SLC17A9: variants seen among roughly 807,000 people sequenced by gnomAD.
The protein encoded by SLC17A9 is voltage-gated purine nucleotide uniporter SLC17A9.
A neutral mutation model predicts 55.0 loss-of-function variants in SLC17A9; 49 were observed. That is an observed-to-expected ratio of 0.89 (90% CI 0.71 to 1.13). SLC17A9 has a LOEUF of 1.13. Ranked by LOEUF, SLC17A9 falls within the 50% of genes most tolerant of loss-of-function variation. SLC17A9 has a pLI of 0.00. For synonymous variants in SLC17A9, 256 were observed against 247.4 expected (o/e 1.03, Z -0.32); for missense variants, 526 against 569.3 (o/e 0.92, Z 0.77).
chr20:62,957,473 CCT>C lies in SLC17A9; in HGVS notation c.293_294del (p.Ser98CysfsTer53). On this transcript the variant is annotated frameshift_variant, in exon 3 of 13. Coordinates refer to ENST00000370351, the MANE Select transcript of SLC17A9 (RefSeq NM_022082.4). LOFTEE classifies it high-confidence loss of function. The stretch of plus-strand genomic sequence containing the variant: ...GGTGAGAAGGTCATCCTGCTGTCAG[CCT>C]CTGCCTGGGGCTCCATCACGGCCGT... 2 of 1,607,662 alleles carry C rather than the reference CCT, an allele frequency of 1.2e-6. No homozygotes were observed. Among genetic ancestry groups the C allele is most frequent in the Non-Finnish European group, 1.7e-6 (2 of 1,177,550 alleles).
chr20:62,963,513 T>A, intron 6 of SLC17A9, 71 bp from the exon 7 acceptor site: 1 of 1,533,014 alleles, frequency 6.5e-7, no homozygotes, highest in Non-Finnish European at 8.8e-7. Context: ...GGGACGCCTC[T>A]CGGGGTGGGT....
rs1015293800 is a variant in SLC17A9 at position 62,962,449 on chromosome 20, G to A, written c.498-175G>A. The A allele has an allele frequency of 1.0e-4, 71 of 709,680 alleles. No individual in the cohort carries two copies. In the African/African-American group the frequency reaches 1.1e-3, roughly 11 times the overall value. The allele number at this position is 709,680 out of a possible 1,614,324, so 44.0% of individuals were successfully genotyped here. ...TGCCCGGAGTCTCCCCTGAGTACCCGAAGTCCTTAACAAAACAGGCCAGGA... is the reference window on the plus strand; with the variant it reads ...TGCCCGGAGTCTCCCCTGAGTACCCAAAGTCCTTAACAAAACAGGCCAGGA... On this transcript the variant is annotated intron_variant, in intron 4 of 12. Coordinates refer to ENST00000370351, the MANE Select transcript of SLC17A9 (RefSeq NM_022082.4). The surrounding 1 kb of genome is among the most constrained non-coding windows in gnomAD (Gnocchi z 5.5).
intron 10 of SLC17A9, 151 bp downstream of exon 10, chr20:62,965,876 AC>A: frequency 2.9e-6 from 2 of 694,702 alleles, no homozygotes; most frequent in Non-Finnish European, 4.9e-6. Context: ...TGCACTGAAG[AC>A]CCAGTAGTTC....
chr20:62,965,773 G>C, intron 10 of SLC17A9, 48 bp downstream of exon 10: 1 of 1,545,186 alleles, frequency 6.5e-7, no homozygotes, highest in African/African-American at 1.4e-5. Flanking sequence ...TGCCCGCACG[G>C]CCGAGGCCCG....
At chr20:62,960,272 C>T (rs1238264298) in intron 3 of SLC17A9, among the ~76,000 whole-genome samples, 2 of 152,226 alleles carry the variant, frequency 1.3e-5, no homozygotes, top group Non-Finnish European at 2.9e-5. Flanking sequence ...AGCTTGGAAG[C>T]AGGGGTGTTT....
chr20:62,965,475 G>T, intron 9 of SLC17A9, 135 bp from the exon 10 acceptor site: 1 of 832,182 alleles, frequency 1.2e-6, no homozygotes. Flanking sequence ...GGCCTGGTCT[G>T]AGAGAAGTTT....
chr20:62,964,036 C>T, intron 7 of SLC17A9, 192 bp from the exon 8 acceptor site: 1 of 661,946 alleles, frequency 1.5e-6, no homozygotes, highest in South Asian at 1.8e-5. Context: ...AGCACGGTTC[C>T]TTCTCTGAGG....
At chr20:62,959,690 CG>C (rs1466087952) in intron 3 of SLC17A9, among the ~76,000 whole-genome samples, 2 of 152,228 alleles carry the variant, frequency 1.3e-5, no homozygotes, top group Non-Finnish European at 2.9e-5. Context: ...TATGAGTGAG[CG>C]CTCTGCGGTT....
chr20:62,955,483 T>G (rs939924349), intron 1 of SLC17A9, among the ~76,000 whole-genome samples: 3 of 150,956 alleles, frequency 2.0e-5, no homozygotes, highest in Non-Finnish European at 3.0e-5. Flanking sequence ...TTTTGTTTTG[T>G]TTTTTTTTGT....
chr20:62,957,741 T>C (rs1032155141), intron 3 of SLC17A9, among the ~76,000 whole-genome samples, 161 bp downstream of exon 3: 3 of 145,996 alleles, frequency 2.1e-5, no homozygotes, highest in African/African-American at 5.1e-5. Context: ...TGTGTGTGTG[T>C]GCGTGTGTAA....
rs1028225295 is a variant in SLC17A9 at position 62,960,623 on chromosome 20, G to A, written c.497+20G>A. On this transcript the variant is annotated intron_variant, in intron 4 of 12. Transcript: ENST00000370351. ...GTTTGGGTAAGTCCTGGCCTAAGACGGGGCCCAGGAGAGGCCACCAGGTGA... is the reference window on the plus strand; with the variant it reads ...GTTTGGGTAAGTCCTGGCCTAAGACAGGGCCCAGGAGAGGCCACCAGGTGA... 4 of 1,601,254 alleles carry A rather than the reference G, an allele frequency of 2.5e-6. No individual in the cohort carries two copies. In the Admixed American group the frequency reaches 5.1e-5, roughly 21 times the overall value.
chr20:62,960,610 C>G lies in SLC17A9; in HGVS notation c.497+7C>G, dbSNP rs967923285. On this transcript the variant is annotated splice_region_variant and intron_variant, in intron 4 of 12. Transcript: ENST00000370351. ...GCGCCGGCTCCCAGTTTGGGTAAGTCCTGGCCTAAGACGGGGCCCAGGAGA... is the reference window on the plus strand; with the variant it reads ...GCGCCGGCTCCCAGTTTGGGTAAGTGCTGGCCTAAGACGGGGCCCAGGAGA... 6.2e-6 allele frequency: 10 copies of G among 1,609,118 alleles called. No homozygotes were observed. Among genetic ancestry groups the G allele is most frequent in the Non-Finnish European group, 8.5e-6 (10 of 1,178,790 alleles).
At chr20:62,963,496 C>G in intron 6 of SLC17A9, 88 bp from the exon 7 acceptor site, 2 of 1,508,130 alleles carry the variant, frequency 1.3e-6, no homozygotes, top group Non-Finnish European at 1.8e-6. Context: ...GGGACTCTGG[C>G]CCCCAGGGGA....
intron 1 of SLC17A9, among the ~76,000 whole-genome samples, chr20:62,954,489 A>G (rs895270386): frequency 1.3e-5 from 2 of 152,266 alleles, no homozygotes; most frequent in African/African-American, 4.8e-5. Context: ...CACAGGAAGC[A>G]GGCTGCTGGG....
chr20:62,964,655 C>A (rs985765269), intron 8 of SLC17A9, among the ~76,000 whole-genome samples: 5 of 152,232 alleles, frequency 3.3e-5, no homozygotes, highest in Non-Finnish European at 5.9e-5. Flanking sequence ...CTGGGATGAG[C>A]CCCGAGCGGG....
chr20:62,956,898 G>A lies in SLC17A9; in HGVS notation c.193G>A (p.Val65Met), dbSNP rs767345141. ...CTGGAACAAGAAGGAGGCCGGCATC[G>A]TGCTCAGCAGCTTCTTCTGGGGCTA... ...FGWNKKEAGIVLSSFFWGYCL... is the reference protein window; with the variant it reads ...FGWNKKEAGIMLSSFFWGYCL... Residue 65 changes from valine (V) to methionine (M), a missense_variant, in exon 2 of 13, where the codon GTG becomes ATG. Val to Met is a conservative substitution (Grantham distance 21). Transcript: ENST00000370351. 1.5e-5 allele frequency: 24 copies of A among 1,613,540 alleles called. No homozygotes were observed. The highest frequency in any genetic ancestry group is 4.4e-5 in the South Asian group (4 of 91,090).
chr20:62,953,311 TG>T lies in SLC17A9; in HGVS notation c.59+430del, dbSNP rs368500187. On this transcript the variant is annotated intron_variant, in intron 1 of 12. Transcript: ENST00000370351. ...GCTGGAGCCTGCAGCTGGACGGGGT[TG>T]GGGGGGGTCCTGCCACCACGTGCCA... 872 of 1,529,388 alleles carry T rather than the reference TG, an allele frequency of 5.7e-4. 1 individual carries two copies. Among genetic ancestry groups the T allele is most frequent in the Middle Eastern group, 1.9e-3 (11 of 5,848 alleles). 94.7% of individuals were successfully genotyped at this position (1,529,388 alleles called of 1,614,324 possible).
In SLC17A9 at chr20:62,960,592, C is replaced by T; in HGVS notation, c.486C>T (p.Gly162=). The T allele has an allele frequency of 6.2e-7, 1 of 1,612,206 alleles. No homozygotes were observed. Among genetic ancestry groups the T allele is most frequent in the South Asian group, 1.1e-5 (1 of 90,638 alleles). The change falls in exon 4 of 13, where the codon GGC becomes GGT. Residue 162 remains glycine, a synonymous_variant. Coordinates refer to ENST00000370351, the MANE Select transcript of SLC17A9 (RefSeq NM_022082.4). ...TCACCTACAGCATCGTGGGCGCCGG[C>T]TCCCAGTTTGGGTAAGTCCTGGCCT... ...RAFTYSIVGA[G]SQFGTLLTGA... is the part of the protein sequence containing the mutation.
At position 62,952,906 on chromosome 20, in the gene SLC17A9, GGGAGGGGGGGTGGGAGCGGT is replaced by G; in HGVS notation, c.59+22_59+41del. The G allele has an allele frequency of 6.9e-7, 1 of 1,448,272 alleles. No homozygotes were observed. The highest frequency in any genetic ancestry group is 9.2e-7 in the Non-Finnish European group (1 of 1,088,780). 89.7% of individuals were successfully genotyped at this position (1,448,272 alleles called of 1,614,324 possible). A position where few individuals can be genotyped will look rare whatever the true frequency, so the allele number is the denominator to read the frequency against. On this transcript the variant is annotated intron_variant, in intron 1 of 12. Transcript: ENST00000370351. The stretch of plus-strand genomic sequence containing the variant: ...GTGGTCCAGGTGTGGCGGGGGTGAG[GGGAGGGGGGGTGGGAGCGGT>G]GGAGATGGGGCCGTGGGGAGGGAGC...
Sources: gnomAD v4.1 joint callset for allele counts (sites outside exome capture counted in the v4.1 genomes callset) on GRCh38, gnomAD v4.1.1 for gene constraint, Gnocchi (gnomAD v3.1) non-coding constraint, MANE v1.5 for transcripts, NCBI Gene and HGNC (gene_info 2026-07-23, HGNC 2026-07-21) for gene names.